Variants in FBXO45 observed in about 807,000 individuals in gnomAD.
The protein encoded by FBXO45 is F-box protein 45, also known as F-box/SPRY domain-containing protein 1.
FBXO45 carries 3 observed loss-of-function variants against 25.5 expected under a neutral mutation model. The observed-to-expected ratio is 0.12, with a 90% confidence interval of 0.05 to 0.30. FBXO45 has a LOEUF of 0.30. Ranked by LOEUF, FBXO45 falls within the 10% of genes least tolerant of loss-of-function variation. The pLI is 1.00. For synonymous variants in FBXO45, 155 were observed against 149.8 expected, an observed-to-expected ratio of 1.03 and a Z score of -0.25; for missense variants, 219 against 365.0, an observed-to-expected ratio of 0.60 and a Z score of 3.26.
In FBXO45 at chr3:196,569,360, G is replaced by T. The variant is rs975826007; in HGVS notation, c.318+58G>T. ...AGTCCCGCTCCCCGGCGTCGTTCGC[G>T]GTGTTTCTCATCCGAGCTTCTGAGT... On this transcript the variant is annotated intron_variant, in intron 1 of 2. Transcript: ENST00000311630. The surrounding 1 kb of genome is among the most constrained non-coding windows in gnomAD (Gnocchi z 4.1). 1.4e-6 allele frequency: 2 copies of T among 1,429,452 alleles called. No individual in the cohort carries two copies. Among genetic ancestry groups the T allele is most frequent in the Non-Finnish European group, 9.3e-7 (1 of 1,071,236 alleles). 88.5% of individuals were successfully genotyped at this position (1,429,452 alleles called of 1,614,324 possible).
chr3:196,583,649 AAATC>A (rs770679430), intron 2 of FBXO45, among the ~76,000 whole-genome samples: 6 of 152,222 alleles, frequency 3.9e-5, no homozygotes, highest in Non-Finnish European at 7.3e-5. Flanking sequence ...AGAGTAAATA[AAATC>A]AATCTAGGTA....
chr3:196,579,305 CAGA>C (rs1193730130), intron 2 of FBXO45, among the ~76,000 whole-genome samples: 1 of 152,176 alleles, frequency 6.6e-6, no homozygotes, highest in Non-Finnish European at 1.5e-5. Flanking sequence ...CATACTAAAG[CAGA>C]AGAACCAAAA....
At chr3:196,578,134 A>C (rs975127640) in intron 2 of FBXO45, among the ~76,000 whole-genome samples, 1 of 148,208 alleles carries the variant, frequency 6.7e-6, no homozygotes, top group Non-Finnish European at 1.5e-5. Context: ...TGCACCTCCC[A>C]GGTTCAAGCA....
intron 2 of FBXO45, among the ~76,000 whole-genome samples, chr3:196,579,768 T>C (rs1735977011): frequency 6.6e-6 from 1 of 152,242 alleles, no homozygotes; most frequent in Non-Finnish European, 1.5e-5. Flanking sequence ...TTTGTCTTTC[T>C]TCTTTTAGTT....
intron 2 of FBXO45, among the ~76,000 whole-genome samples, chr3:196,581,835 G>C (rs949002862): frequency 5.3e-5 from 8 of 152,124 alleles, no homozygotes; most frequent in African/African-American, 1.9e-4. Context: ...TCTCTGAAAA[G>C]TATAGGTTTT....
intron 1 of FBXO45, among the ~76,000 whole-genome samples, chr3:196,570,515 G>A (rs1735797415): frequency 6.6e-6 from 1 of 152,150 alleles, no homozygotes; most frequent in Non-Finnish European, 1.5e-5. Flanking sequence ...GGGATTAGAG[G>A]CGTGAGCCAC....
chr3:196,583,236 G>A (rs747718355), intron 2 of FBXO45, among the ~76,000 whole-genome samples: 77 of 152,108 alleles, frequency 5.1e-4, no homozygotes, highest in Non-Finnish European at 8.8e-4. Flanking sequence ...GGCCGGGCGC[G>A]ATGGCTCATG....
At chr3:196,582,536 T>TGCAAACATTAG (rs1327109178) in intron 2 of FBXO45, among the ~76,000 whole-genome samples, 1 of 152,170 alleles carries the variant, frequency 6.6e-6, no homozygotes, top group African/African-American at 2.4e-5. Context: ...AATTAAATTT[T>TGCAAACATTAG]GATTGCAAAC....
rs768037726 is a variant in FBXO45, at chr3:196,587,547, A to G, written c.*3229A>G. On this transcript the variant is annotated 3_prime_UTR_variant, in exon 3 of 3. Transcript: ENST00000311630. Reference sequence around the variant, plus strand: ...TAAACCATAAAGAAACTACTACTGTATAATGAACTTTTGTTTGTTTTTGGA... The same window carrying G: ...TAAACCATAAAGAAACTACTACTGTGTAATGAACTTTTGTTTGTTTTTGGA... 4 of 152,224 alleles carry G rather than the reference A, an allele frequency of 2.6e-5. No homozygotes were observed. The highest frequency in any genetic ancestry group is 5.9e-5 in the Non-Finnish European group (4 of 68,032). 9.4% of individuals were successfully genotyped at this position (152,224 alleles called of 1,614,324 possible).
At chr3:196,582,069 C>T (rs1011065945) in intron 2 of FBXO45, among the ~76,000 whole-genome samples, 1 of 152,122 alleles carries the variant, frequency 6.6e-6, no homozygotes. Context: ...TCTGGAGTTC[C>T]TCCTCTAAGT....
chr3:196,580,453 G>A (rs990692989), intron 2 of FBXO45, among the ~76,000 whole-genome samples: 15 of 151,432 alleles, frequency 9.9e-5, no homozygotes, highest in African/African-American at 3.6e-4. Context: ...CTCGTGATCC[G>A]CCTGCCTCAG....
Position 196,569,135 on chromosome 3 carries a change from C to T in FBXO45, c.151C>T (p.Leu51=), listed in dbSNP as rs1446794253. Reference sequence around the variant, plus strand: ...GGTGCTGGAGTTGGTGTTCTCTTACCTGGAGCTGTCCGAGCTGCGGAGCTG... The same window carrying T: ...GGTGCTGGAGTTGGTGTTCTCTTACTTGGAGCTGTCCGAGCTGCGGAGCTG... ...SRVLELVFSY[L]ELSELRSCAL... is the part of the protein sequence containing the mutation. The change falls in exon 1 of 3, where the codon CTG becomes TTG. Residue 51 remains leucine, a synonymous_variant. Transcript: ENST00000311630. The surrounding 1 kb of genome is among the most constrained non-coding windows in gnomAD (Gnocchi z 4.1). 6.5e-7 allele frequency: 1 copy of T among 1,549,450 alleles called. No homozygotes were observed. The highest frequency in any genetic ancestry group is 8.7e-7 in the Non-Finnish European group (1 of 1,146,148).
intron 1 of FBXO45, among the ~76,000 whole-genome samples, chr3:196,575,812 G>C (rs992491669): frequency 6.6e-6 from 1 of 151,838 alleles, no homozygotes; most frequent in Non-Finnish European, 1.5e-5. Flanking sequence ...AAGTAGCTGG[G>C]ATTACAAGCG....
rs1197565545 is a variant in FBXO45, at chr3:196,576,112, T to C, written c.319-1341T>C. The stretch of plus-strand genomic sequence containing the variant: ...TACTGGAAACAAATAGTTCTCTGTT[T>C]TTAAATCTGCGCTCTGCAGCTCACT... On this transcript the variant is annotated intron_variant, in intron 1 of 2. Transcript: ENST00000311630. 2.6e-5 allele frequency among the ~76,000 whole-genome samples: 4 copies of C among 152,328 alleles called. No homozygotes were observed. In the East Asian group the frequency reaches 7.7e-4, roughly 29 times the overall value.
At position 196,569,066 on chromosome 3, in the gene FBXO45, T is replaced by G. The variant is rs1735718057; in HGVS notation, c.82T>G (p.Ser28Ala). 5 of 1,315,186 alleles carry G rather than the reference T, an allele frequency of 3.8e-6. No individual in the cohort carries two copies. In the South Asian group the frequency reaches 5.4e-5, roughly 14 times the overall value. The allele number at this position is 1,315,186 out of a possible 1,614,324, so 81.5% of individuals were successfully genotyped here. A position where few individuals can be genotyped will look rare whatever the true frequency, so the allele number is the denominator to read the frequency against. The change falls in exon 1 of 3, where the codon TCG becomes GCG. Residue 28 changes from serine to alanine, a missense_variant. Physicochemically the swap from Ser to Ala is moderately conservative, Grantham distance 99. Around this residue, in one of 4 missense-constraint regions of FBXO45, gnomAD observed 138 missense variants for 157.3 expected, o/e 0.88. Coordinates refer to ENST00000311630, the MANE Select transcript of FBXO45 (RefSeq NM_001105573.2). This position sits in a 1 kb window ranked among gnomAD's most constrained non-coding sequence, Gnocchi z 4.1. ...CGGCGGCGCGGGCGCGGGCGCGGGCTCGGGCTCTGGGGCCGCGGGGGCCGG... is the reference window on the plus strand; with the variant it reads ...CGGCGGCGCGGGCGCGGGCGCGGGCGCGGGCTCTGGGGCCGCGGGGGCCGG... ...SGGGAGAGAG[S>A]GSGAAGAGGR...
At position 196,569,926 on chromosome 3, in the gene FBXO45, T is replaced by C. The variant is rs779082606; in HGVS notation, c.318+624T>C. ...AACATACTGCTTTGTCCTGCTGTTA[T>C]TGGCTGTTTCCTTGCTAACTTTTTA... On this transcript the variant is annotated intron_variant, in intron 1 of 2. Coordinates refer to ENST00000311630, the MANE Select transcript of FBXO45 (RefSeq NM_001105573.2). This position sits in a 1 kb window ranked among gnomAD's most constrained non-coding sequence, Gnocchi z 4.1. Among the ~76,000 whole-genome samples the C allele has an allele frequency of 6.6e-6, 1 of 152,238 alleles. No individual in the cohort carries two copies. The highest frequency in any genetic ancestry group is 1.5e-5 in the Non-Finnish European group (1 of 68,044).
At chr3:196,573,402 A>G (rs1360360456) in intron 1 of FBXO45, among the ~76,000 whole-genome samples, 5 of 152,226 alleles carry the variant, frequency 3.3e-5, no homozygotes, top group Non-Finnish European at 5.9e-5. Context: ...GTTTTGTACT[A>G]CAGTTGTAAA....
intron 1 of FBXO45, among the ~76,000 whole-genome samples, chr3:196,576,149 G>A (rs1166921537): frequency 4.6e-5 from 7 of 152,216 alleles, no homozygotes; most frequent in African/African-American, 1.7e-4. Flanking sequence ...AAACGGTAGA[G>A]TGCCAGCGAA....
At chr3:196,570,336 C>G (rs1156519903) in intron 1 of FBXO45, among the ~76,000 whole-genome samples, 3 of 149,346 alleles carry the variant, frequency 2.0e-5, no homozygotes, top group Non-Finnish European at 3.0e-5. Flanking sequence ...CTTCCAGGTT[C>G]AAGCAATTGT....
Sources: gnomAD v4.1 joint callset for allele counts (sites outside exome capture counted in the v4.1 genomes callset) on GRCh38, gnomAD v4.1.1 for gene constraint, gnomAD v4.1.1 regional missense constraint, Gnocchi (gnomAD v3.1) non-coding constraint, MANE v1.5 for transcripts, NCBI Gene and HGNC (gene_info 2026-07-23, HGNC 2026-07-21) for gene names.